TSKS: variants seen among roughly 807,000 people sequenced by gnomAD.
The protein encoded by TSKS is testis-specific serine kinase substrate.
A neutral mutation model predicts 68.0 loss-of-function variants in TSKS; 27 were observed. The observed-to-expected ratio is 0.40, with a 90% CI of 0.29 to 0.55. The LOEUF (loss-of-function observed/expected upper bound fraction) is 0.55. TSKS is among the 20% of genes least tolerant of loss of function. TSKS has a pLI of 0.53. For synonymous variants in TSKS, 331 were observed against 340.4 expected (o/e 0.97, Z 0.30); for missense variants, 806 against 776.0 (o/e 1.04, Z -0.46).
At position 49,762,025 on chromosome 19, in the gene TSKS, G is replaced by C. The variant is rs371583588; in HGVS notation, c.378C>G (p.Asp126Glu). ...ASPTLPWDPD[D>E]ADITEILSGV... ...TCACCAGGATTTCCGTGATGTCTGC[G>C]TCATCCGGATCCCAGGGTAGGGTAG... Residue 126 changes from aspartate to glutamate, a missense_variant, in exon 2 of 11, where the codon GAC becomes GAG. Coordinates refer to ENST00000246801, the MANE Select transcript of TSKS (RefSeq NM_021733.2). The C allele has an allele frequency of 6.2e-7, 1 of 1,613,810 alleles. No individual in the cohort carries two copies. The highest frequency in any genetic ancestry group is 1.7e-5 in the Admixed American group (1 of 60,002).
intron 2 of TSKS, among the ~76,000 whole-genome samples, chr19:49,757,689 G>A (rs766403777): frequency 3.3e-5 from 5 of 151,892 alleles, no homozygotes; most frequent in African/African-American, 7.3e-5. Flanking sequence ...CTCCATCACC[G>A]CCTGGTTCTC....
chr19:49,740,223 T>G, intron 9 of TSKS, 40 bp from the exon 10 acceptor site: 1 of 1,589,894 alleles, frequency 6.3e-7, no homozygotes. Context: ...CTTGCTGGAC[T>G]GGGCTGGGGG....
At chr19:49,755,022 A>G (rs570741721) in intron 2 of TSKS, among the ~76,000 whole-genome samples, 2 of 152,242 alleles carry the variant, frequency 1.3e-5, no homozygotes, top group Non-Finnish European at 2.9e-5. Flanking sequence ...GCTTGAACCC[A>G]GGAGGCAGAG....
intron 4 of TSKS, 35 bp from the exon 5 acceptor site, chr19:49,747,507 C>A: frequency 1.2e-5 from 19 of 1,608,280 alleles, no homozygotes; most frequent in Non-Finnish European, 1.6e-5. Flanking sequence ...CCCTGCCTTC[C>A]CATTCCAGTT....
chr19:49,751,041 C>T (rs145233248), intron 2 of TSKS, among the ~76,000 whole-genome samples: 173 of 152,132 alleles, frequency 1.1e-3, no homozygotes, highest in African/African-American at 3.9e-3. Flanking sequence ...CAGTGGCTCA[C>T]ACCTGTAATC....
chr19:49,748,161 C>A lies in TSKS; in HGVS notation c.503G>T (p.Cys168Phe). 6.2e-7 allele frequency: 1 copy of A among 1,614,176 alleles called. No homozygotes were observed. The highest frequency in any genetic ancestry group is 8.5e-7 in the Non-Finnish European group (1 of 1,180,026). Residue 168 changes from cysteine to phenylalanine, a missense_variant, in exon 4 of 11, where the codon TGT (cysteine) becomes TTT (phenylalanine). By Grantham distance (205) the Cys-to-Phe change is radical (BLOSUM62 -2). Coordinates refer to ENST00000246801, the MANE Select transcript of TSKS (RefSeq NM_021733.2). The stretch of plus-strand genomic sequence containing the variant: ...CTCCAGATTCTCGCTCAGCACAGAA[C>A]ACTCGCTCTGGAGCATGGAAGGAGG... ...NQHVQSLQSE[C>F]SVLSENLERR...
rs1196197683 is a variant in TSKS, at chr19:49,762,990, T to C, written c.170+88A>G. ...GACCTGCTGGCTTTTCCCCCTCCCC[T>C]TCCTCTAGCACCCACAGTCGGACTC... On this transcript the variant is annotated intron_variant, in intron 1 of 10. Coordinates refer to ENST00000246801, the MANE Select transcript of TSKS (RefSeq NM_021733.2). 4.7e-6 allele frequency: 7 copies of C among 1,476,348 alleles called. No homozygotes were observed. The Admixed American group carries it at 1.1e-4, about 24-fold the overall frequency. The allele number at this position is 1,476,348 out of a possible 1,614,324, so 91.5% of individuals were successfully genotyped here.
chr19:49,745,841 C>T (rs900270151), intron 6 of TSKS, among the ~76,000 whole-genome samples: 4 of 152,286 alleles, frequency 2.6e-5, no homozygotes, highest in South Asian at 2.1e-4. Context: ...TCACTGCCTT[C>T]GGGGCACTCC....
intron 2 of TSKS, among the ~76,000 whole-genome samples, chr19:49,750,533 A>G (rs1419647864): frequency 1.3e-5 from 2 of 152,142 alleles, no homozygotes; most frequent in Non-Finnish European, 1.5e-5. Flanking sequence ...CTGGGATTAC[A>G]GGCGTAAGCC....
At chr19:49,740,901 G>A (rs978607900) in intron 9 of TSKS, among the ~76,000 whole-genome samples, 1 of 147,920 alleles carries the variant, frequency 6.8e-6, no homozygotes, top group Admixed American at 6.8e-5. Context: ...AAAAAAGGCC[G>A]GGCGCAGTGG....
chr19:49,745,381 T>C lies in TSKS; in HGVS notation c.1008A>G (p.Ser336=), dbSNP rs368285383. Residue 336 remains serine (S), a synonymous_variant, in exon 7 of 11, where the codon TCA becomes TCG. Transcript: ENST00000246801. The stretch of plus-strand genomic sequence containing the variant: ...CCTCCTGATGCCACCGGGCGGTCAG[T>C]GAGGACACCTCTCTCCTGGAGGGGC... The part of the protein sequence containing the change: ...GIEELRREVS[S]LTARWHQEEG... 21 of 1,570,084 alleles carry C rather than the reference T, an allele frequency of 1.3e-5. No homozygotes were observed. In the African/African-American group the frequency reaches 2.6e-4, roughly 19 times the overall value.
At chr19:49,748,545 T>A in intron 2 of TSKS, 76 bp from the exon 3 acceptor site, 3 of 1,406,626 alleles carry the variant, frequency 2.1e-6, no homozygotes, top group Non-Finnish European at 3.0e-6. Context: ...ATTCCAGAAC[T>A]GGGAGGCTGT....
intron 2 of TSKS, among the ~76,000 whole-genome samples, chr19:49,754,507 T>A (rs1323864822): frequency 6.7e-6 from 1 of 149,378 alleles, no homozygotes; most frequent in Admixed American, 6.7e-5. Context: ...TCAAAAAAAA[T>A]AAAAAATAAA....
chr19:49,739,969 C>CTAGG (rs1466420680), intron 10 of TSKS, 37 bp from the exon 11 acceptor site: 3 of 1,607,842 alleles, frequency 1.9e-6, no homozygotes, highest in Non-Finnish European at 2.6e-6. Flanking sequence ...GGCGGCATGG[C>CTAGG]TAGGTGCTGG....
Position 49,740,174 on chromosome 19 carries a change from G to A in TSKS, c.1507C>T (p.Arg503Cys), listed in dbSNP as rs368573101. The A allele has an allele frequency of 1.7e-5, 28 of 1,612,474 alleles. No homozygotes were observed. Among genetic ancestry groups the A allele is most frequent in the Non-Finnish European group, 2.2e-5 (26 of 1,179,684 alleles). The stretch of plus-strand genomic sequence containing the variant: ...CTGACGTGTTTGGCTAAGGCCTGGC[G>A]CTCCAGCTCCTGGGGAGAGGAGCGT... ...RLHKKILELE[R>C]QALAKHVRAE... Residue 503 changes from arginine to cysteine, a missense_variant, in exon 10 of 11, where the codon CGC becomes TGC. Arg to Cys is a radical substitution (Grantham distance 180). Transcript: ENST00000246801.
chr19:49,753,771 A>G (rs2084371211), intron 2 of TSKS, among the ~76,000 whole-genome samples: 1 of 150,578 alleles, frequency 6.6e-6, no homozygotes, highest in Non-Finnish European at 1.5e-5. Flanking sequence ...ATAAAAATAA[A>G]TAAATAAAAA....
At chr19:49,759,388 G>C (rs1452447506) in intron 2 of TSKS, among the ~76,000 whole-genome samples, 1 of 150,006 alleles carries the variant, frequency 6.7e-6, no homozygotes, top group Non-Finnish European at 1.5e-5. Context: ...AGAATGGCTT[G>C]AACCTGGGAG....
At chr19:49,744,939 A>C (rs1169062154) in intron 7 of TSKS, among the ~76,000 whole-genome samples, 1 of 151,616 alleles carries the variant, frequency 6.6e-6, no homozygotes, top group Admixed American at 6.6e-5. Context: ...CTCTTAATTG[A>C]TTTTCTCGGA....
At position 49,740,098 on chromosome 19, in the gene TSKS, C is replaced by A. The variant is rs530546172; in HGVS notation, c.1583G>T (p.Arg528Leu). Residue 528 changes from arginine (R) to leucine (L), a missense_variant, in exon 10 of 11, where the codon CGG becomes CTG. Arg to Leu is a moderately radical substitution (Grantham distance 102, BLOSUM62 -2). Transcript: ENST00000246801. ...GTCTGTCAGCAGTAGGTTCTTGGCC[C>A]GCAGGGCCTCGTCTTGGGCCAGCCG... ...TLRLAQDEAL[R>L]AKNLLLTDKM... 1 of 1,614,028 alleles carries A rather than the reference C, an allele frequency of 6.2e-7. No individual in the cohort carries two copies. The highest frequency in any genetic ancestry group is 1.3e-5 in the African/African-American group (1 of 74,938).
Sources: allele counts gnomAD v4.1 joint callset (sites outside exome capture counted in the v4.1 genomes callset), GRCh38; gene constraint gnomAD v4.1.1; transcripts MANE v1.5; gene names NCBI Gene and HGNC (gene_info 2026-07-23, HGNC 2026-07-21).